The following CANX variants were observed in gnomAD, a reference collection of about 807,000 sequenced individuals.
The protein encoded by CANX is calnexin.
Under a neutral mutation model 75.7 loss-of-function variants are expected in CANX, and 14 were observed. The observed-to-expected ratio is 0.19, with a 90% CI of 0.12 to 0.29. The LOEUF (loss-of-function observed/expected upper bound fraction) is 0.29, where lower values mean the gene tolerates loss of function less well. CANX is among the 10% of genes least tolerant of loss of function. The pLI is 1.00. For synonymous variants in CANX, 227 were observed against 236.9 expected (o/e 0.96, Z 0.38); for missense variants, 567 against 713.2 (o/e 0.79, Z 2.34).
chr5:179,725,940 A>T (rs1562520513), intron 13 of CANX, among the ~76,000 whole-genome samples: 1 of 149,936 alleles, frequency 6.7e-6, no homozygotes, highest in Non-Finnish European at 1.5e-5. Context: ...GTGAGCCGAG[A>T]TTGCGCCACT....
intron 5 of CANX, among the ~76,000 whole-genome samples, chr5:179,708,621 G>A (rs936934810): frequency 4.0e-5 from 6 of 150,990 alleles, no homozygotes; most frequent in African/African-American, 4.9e-5. Context: ...CAAATTTACC[G>A]GAAATCTGCA....
At chr5:179,699,853 T>G (rs984834202) in intron 1 of CANX, 1 of 152,322 alleles carries the variant, frequency 6.6e-6, no homozygotes, top group East Asian at 1.9e-4. Context: ...CGTGCAGTGG[T>G]TAACGCTAAG....
chr5:179,694,753 G>A, upstream of CANX: 1 of 630,158 alleles, frequency 1.6e-6, no homozygotes, highest in Non-Finnish European at 2.8e-6. Flanking sequence ...GAGGAGATGA[G>A]GAGGAGGATG....
At chr5:179,700,235 T>C (rs1247959474) in intron 1 of CANX, 1 of 152,224 alleles carries the variant, frequency 6.6e-6, no homozygotes, top group Non-Finnish European at 1.5e-5. Context: ...CTGAGCTTAA[T>C]ATTAAAAGAT....
exon 1 of CANX, chr5:179,678,668 C>T: frequency 1.3e-6 from 2 of 1,535,592 alleles, no homozygotes; most frequent in Non-Finnish European, 1.7e-6. Context: ...CTGCCCGGCG[C>T]GCGCCGCAGC....
intron 1 of CANX, chr5:179,699,516 T>C (rs1035879947): frequency 2.0e-5 from 3 of 152,160 alleles, no homozygotes; most frequent in African/African-American, 7.2e-5. Context: ...AAGGGTGGTA[T>C]TAGACCGAGA....
At position 179,728,715 on chromosome 5, in the gene CANX, C is replaced by T. The variant is rs944181137; in HGVS notation, c.*71C>T. The T allele has an allele frequency of 2.6e-5, 27 of 1,032,214 alleles. No individual in the cohort carries two copies. Among genetic ancestry groups the T allele is most frequent in the Non-Finnish European group, 4.0e-5 (26 of 654,824 alleles). 63.9% of individuals were successfully genotyped at this position (1,032,214 alleles called of 1,614,324 possible). ...TGCAAGAGTGGTCCTAGGAGAGGAC[C>T]TGGCACACCTTAGGTTGACATTCAG... On this transcript the variant is annotated 3_prime_UTR_variant, in exon 15 of 15. Coordinates refer to ENST00000247461, the MANE Select transcript of CANX (RefSeq NM_001746.4).
intron 12 of CANX, 143 bp from the exon 13 acceptor site, chr5:179,724,514 A>C (rs1778520801): frequency 3.1e-6 from 2 of 642,628 alleles, no homozygotes; most frequent in Non-Finnish European, 5.6e-6. Context: ...CACGCTCTTC[A>C]GGGTAGGAAT....
intron 7 of CANX, among the ~76,000 whole-genome samples, chr5:179,711,371 A>G (rs940606053): frequency 2.6e-5 from 4 of 152,094 alleles, no homozygotes; most frequent in Non-Finnish European, 5.9e-5. Context: ...GTAGTGAGCC[A>G]TGATCTTGCC....
intron 7 of CANX, among the ~76,000 whole-genome samples, chr5:179,713,407 T>C (rs1581871203): frequency 1.3e-5 from 2 of 152,172 alleles, no homozygotes; most frequent in African/African-American, 4.8e-5. Context: ...GTAATACATA[T>C]TTAAGGTATA....
intron 6 of CANX, among the ~76,000 whole-genome samples, chr5:179,709,354 C>G (rs1333602726): frequency 6.6e-6 from 1 of 151,370 alleles, no homozygotes; most frequent in Non-Finnish European, 1.5e-5. Context: ...GCGGAACTTG[C>G]AGTGAGCCGA....
intron 1 of CANX, chr5:179,680,821 A>G: frequency 6.9e-7 from 1 of 1,441,934 alleles, no homozygotes; most frequent in Non-Finnish European, 9.4e-7. Flanking sequence ...TCGTTAATTC[A>G]TAATACACTT....
At chr5:179,687,813 C>G (rs1463176774) in intron 1 of CANX, among the ~76,000 whole-genome samples, 1 of 151,968 alleles carries the variant, frequency 6.6e-6, no homozygotes, top group Non-Finnish European at 1.5e-5. Context: ...GCAGGCAGAT[C>G]ACTTGAGGGC....
intron 13 of CANX, 129 bp downstream of exon 13, chr5:179,724,912 G>A (rs991953539): frequency 1.4e-5 from 18 of 1,317,194 alleles, no homozygotes; most frequent in Non-Finnish European, 1.8e-5. Flanking sequence ...AGCACTTTGG[G>A]AGGTTGAAGC....
At chr5:179,687,412 T>C (rs1202079704) in intron 1 of CANX, among the ~76,000 whole-genome samples, 1 of 152,220 alleles carries the variant, frequency 6.6e-6, no homozygotes, top group Non-Finnish European at 1.5e-5. Flanking sequence ...CTGTGCTCTG[T>C]GTTCTTGTGC....
At chr5:179,680,029 T>G (rs549332679) in intron 1 of CANX, among the ~76,000 whole-genome samples, 1 of 144,432 alleles carries the variant, frequency 6.9e-6, no homozygotes, top group Non-Finnish European at 1.5e-5. Context: ...GCCAGGCTGG[T>G]CTCGAACTCC....
chr5:179,702,039 C>G (rs1422748023), intron 1 of CANX, among the ~76,000 whole-genome samples: 1 of 151,558 alleles, frequency 6.6e-6, no homozygotes, highest in Non-Finnish European at 1.5e-5. Context: ...CCGCGCTCAG[C>G]CTTACTTATT....
intron 6 of CANX, among the ~76,000 whole-genome samples, chr5:179,709,378 C>A (rs539660778): frequency 1.3e-5 from 2 of 151,156 alleles, no homozygotes; most frequent in African/African-American, 2.4e-5. Flanking sequence ...TGCGCCACTG[C>A]ACTCCAGCCT....
At chr5:179,712,733 A>G (rs1377954401) in intron 7 of CANX, among the ~76,000 whole-genome samples, 1 of 147,594 alleles carries the variant, frequency 6.8e-6, no homozygotes, top group Non-Finnish European at 1.5e-5. Context: ...CTACCTTTTT[A>G]ATTTTTTTGA....
Sources: gnomAD v4.1 joint callset for allele counts (sites outside exome capture counted in the v4.1 genomes callset) on GRCh38, gnomAD v4.1.1 for gene constraint, MANE v1.5 for transcripts, NCBI Gene and HGNC (gene_info 2026-07-23, HGNC 2026-07-21) for gene names.